The following SMYD3 variants were observed in gnomAD, a reference collection of about 807,000 sequenced individuals.
SMYD3 encodes SET and MYND domain containing 3.
SMYD3 carries 36 observed loss-of-function variants against 57.7 expected under a neutral mutation model. The ratio of observed to expected loss-of-function variants is 0.62; its 90% CI spans 0.48 to 0.82. The LOEUF (loss-of-function observed/expected upper bound fraction) is 0.82. Among genes scored for constraint, SMYD3 ranks in the 40% least tolerant of loss-of-function variants. SMYD3 has a pLI of 0.00. For missense variants in SMYD3, 515 were observed against 538.8 expected (o/e 0.96, Z 0.44); for synonymous variants, 211 against 195.0 (o/e 1.08, Z -0.68).
At chr1:246,409,494 A>G (rs1239836926) in intron 1 of SMYD3, among the ~76,000 whole-genome samples, 5 of 152,128 alleles carry the variant, frequency 3.3e-5, no homozygotes, top group African/African-American at 4.8e-5. Flanking sequence ...GTAGATATGC[A>G]GCATTATTTC....
At chr1:245,863,578 C>T (rs921003009) in intron 9 of SMYD3, among the ~76,000 whole-genome samples, 2 of 152,152 alleles carry the variant, frequency 1.3e-5, no homozygotes, top group African/African-American at 4.8e-5. Flanking sequence ...TATTACCTAA[C>T]GGTAGTGAGT....
chr1:245,906,621 T>G (rs935357852), intron 8 of SMYD3, among the ~76,000 whole-genome samples: 3 of 152,218 alleles, frequency 2.0e-5, no homozygotes, highest in Admixed American at 1.3e-4. Context: ...TACCATAGGA[T>G]CCAGCAATCC....
intron 1 of SMYD3, among the ~76,000 whole-genome samples, chr1:246,359,027 G>C (rs998965077): frequency 6.6e-6 from 1 of 152,006 alleles, no homozygotes; most frequent in African/African-American, 2.4e-5. Context: ...TGAAACAAAA[G>C]GCTGGTTTTG....
At chr1:246,445,861 A>G (rs1475091232) in intron 1 of SMYD3, among the ~76,000 whole-genome samples, 2 of 151,968 alleles carry the variant, frequency 1.3e-5, no homozygotes, top group South Asian at 4.1e-4. Flanking sequence ...AAAGGAAAAA[A>G]AAAACAAAAA....
At chr1:245,793,199 C>T (rs914611207) in intron 10 of SMYD3, among the ~76,000 whole-genome samples, 1 of 151,360 alleles carries the variant, frequency 6.6e-6, no homozygotes, top group African/African-American at 2.4e-5. Flanking sequence ...GTCCCAGCTA[C>T]TCGGGAGGCT....
intron 10 of SMYD3, among the ~76,000 whole-genome samples, chr1:245,849,273 A>G (rs972097949): frequency 3.3e-5 from 5 of 152,220 alleles, no homozygotes; most frequent in Non-Finnish European, 7.3e-5. Context: ...ATGGTTCTTG[A>G]CTGGGAGCTT....
rs569107535 is a variant in SMYD3 at position 245,827,759 on chromosome 1, T to G, written c.1076+30737A>C. ...AAATTTATGCAATCTAAGAGCTGGG[T>G]GGGCCCTGCCTTATCACACTTATTT... is the stretch of plus-strand genomic sequence containing the variant. On this transcript the variant is annotated intron_variant, in intron 10 of 11. Transcript: ENST00000490107. Among the ~76,000 whole-genome samples, 434 of 152,270 alleles carry G rather than the reference T, an allele frequency of 2.9e-3. 3 individuals carry two copies. Among genetic ancestry groups the G allele is most frequent in the African/African-American group, 0.01 (420 of 41,562 alleles).
At chr1:245,803,018 T>C (rs1370159498) in intron 10 of SMYD3, among the ~76,000 whole-genome samples, 6 of 152,224 alleles carry the variant, frequency 3.9e-5, no homozygotes, top group Non-Finnish European at 8.8e-5. Context: ...CTGCCAGAAA[T>C]GAGTTAAAAA....
chr1:245,841,303 C>G (rs1397484850), intron 10 of SMYD3, among the ~76,000 whole-genome samples: 2 of 152,118 alleles, frequency 1.3e-5, no homozygotes, highest in Non-Finnish European at 2.9e-5. Context: ...GAGTAGAGCA[C>G]ACATTAATAT....
rs1198909390 is a variant in SMYD3, at chr1:246,504,582, C to A, written c.164+2472G>T. 5.9e-5 allele frequency among the ~76,000 whole-genome samples: 9 copies of A among 152,168 alleles called. 1 individual carries two copies. Among genetic ancestry groups the A allele is most frequent in the Non-Finnish European group, 1.3e-4 (9 of 68,034 alleles). On this transcript the variant is annotated intron_variant, in intron 1 of 11. Transcript: ENST00000490107. ...TTATGCAGTGCATGACTGTAATTAT[C>A]ATCAATATCTGTTTTTTTAATTCTA...
chr1:246,114,991 T>C (rs1305987594), intron 5 of SMYD3, among the ~76,000 whole-genome samples: 3 of 152,302 alleles, frequency 2.0e-5, no homozygotes, highest in Non-Finnish European at 4.4e-5. Context: ...AAGCCAGCCT[T>C]AGCCAGTCAC....
chr1:246,346,319 A>T (rs940522226), intron 2 of SMYD3, among the ~76,000 whole-genome samples: 6 of 152,014 alleles, frequency 3.9e-5, no homozygotes, highest in African/African-American at 1.5e-4. Context: ...ACTACAGAAC[A>T]GTTCCTCTCC....
chr1:245,792,896 A>T (rs1458522654), intron 10 of SMYD3, among the ~76,000 whole-genome samples: 1 of 152,176 alleles, frequency 6.6e-6, no homozygotes, highest in Non-Finnish European at 1.5e-5. Context: ...CAGTACCATA[A>T]TGATGACAAA....
intron 1 of SMYD3, among the ~76,000 whole-genome samples, chr1:246,456,422 C>T (rs1204287339): frequency 6.6e-6 from 1 of 152,216 alleles, no homozygotes. Flanking sequence ...TTTCTAGATC[C>T]ATCACTCCAG....
rs533740154 is a variant in SMYD3 at position 245,823,337 on chromosome 1, G to A, written c.1076+35159C>T. On this transcript the variant is annotated intron_variant, in intron 10 of 11. Transcript: ENST00000490107. The stretch of plus-strand genomic sequence containing the variant: ...CGTGCGTGTGCACACACACACGCGC[G>A]CTCGTGCTTGCTCGCTCTCGCTCTC... 1.1e-3 allele frequency among the ~76,000 whole-genome samples: 107 copies of A among 99,644 alleles called. 1 individual carries two copies. The highest frequency in any genetic ancestry group is 2.2e-3 in the Non-Finnish European group (83 of 38,576). 65.4% of individuals were successfully genotyped at this position (99,644 alleles called of 152,430 possible).
At position 246,395,688 on chromosome 1, in the gene SMYD3, C is replaced by CCCACCACGGTCAGACAGGGAAGAG. The variant is rs1558442910; in HGVS notation, c.165-40595_165-40594insCTCTTCCCTGTCTGACCGTGGTGG. ...ACCCACCACAGTCAGACAGGGAAGA[C>CCCACCACGGTCAGACAGGGAAGAG]GAACCCACCATGGCTGGACAGGGAA... On this transcript the variant is annotated intron_variant, in intron 1 of 11. Transcript: ENST00000490107. Among the ~76,000 whole-genome samples the CCCACCACGGTCAGACAGGGAAGAG allele has an allele frequency of 3.1e-4, 22 of 70,426 alleles. 2 individuals are homozygous for CCCACCACGGTCAGACAGGGAAGAG. The highest frequency in any genetic ancestry group is 1.6e-3 in the East Asian group (3 of 1,888). 46.2% of individuals were successfully genotyped at this position (70,426 alleles called of 152,430 possible).
intron 8 of SMYD3, among the ~76,000 whole-genome samples, chr1:245,905,772 G>A (rs2054521134): frequency 6.6e-6 from 1 of 152,140 alleles, no homozygotes; most frequent in African/African-American, 2.4e-5. Context: ...ACCCAGCACT[G>A]TGCTGGCTTC....
chr1:246,057,509 C>T (rs1186681998), intron 5 of SMYD3, among the ~76,000 whole-genome samples: 1 of 152,292 alleles, frequency 6.6e-6, no homozygotes, highest in East Asian at 1.9e-4. Flanking sequence ...AGATGCTCCA[C>T]ATCACATGTC....
chr1:246,211,558 G>T (rs1483774086), intron 5 of SMYD3, among the ~76,000 whole-genome samples: 1 of 152,034 alleles, frequency 6.6e-6, no homozygotes, highest in Non-Finnish European at 1.5e-5. Flanking sequence ...TACCTGTGAT[G>T]AAAGCATATA....
Sources: allele counts gnomAD v4.1 joint callset (sites outside exome capture counted in the v4.1 genomes callset), GRCh38; gene constraint gnomAD v4.1.1; transcripts MANE v1.5; gene names NCBI Gene and HGNC (gene_info 2026-07-23, HGNC 2026-07-21).